LRRIQ1: variants seen among roughly 807,000 people sequenced by gnomAD.
LRRIQ1 encodes the protein leucine rich repeats and IQ motif containing 1, also known as leucine-rich repeat- and IQ domain-containing protein 1.
A neutral mutation model predicts 211.9 loss-of-function variants in LRRIQ1; 210 were observed. The ratio of observed to expected loss-of-function variants is 0.99; its 90% CI spans 0.89 to 1.11. The LOEUF is 1.11. LRRIQ1 is among the 50% of genes most tolerant of loss of function. The pLI is 0.00. For missense variants in LRRIQ1, 2,136 were observed against 1,939.5 expected (o/e 1.10, Z -1.90); for synonymous variants, 699 against 650.1 (o/e 1.08, Z -1.14).
At chr12:85,170,273 T>C (rs1212862045) in intron 24 of LRRIQ1, among the ~76,000 whole-genome samples, 1 of 151,204 alleles carries the variant, frequency 6.6e-6, no homozygotes, top group Non-Finnish European at 1.5e-5. Flanking sequence ...TGTATATATA[T>C]ATATATATAT....
chr12:85,143,961 A>G (rs1889716538), intron 19 of LRRIQ1, among the ~76,000 whole-genome samples: 1 of 151,590 alleles, frequency 6.6e-6, no homozygotes, highest in Non-Finnish European at 1.5e-5. Context: ...CAGCTTTGCT[A>G]TATAGGTAAA....
rs950499886 is a variant in LRRIQ1, at chr12:85,106,406, G to A, written c.3284-116G>A. On this transcript the variant is annotated intron_variant, in intron 14 of 26. Transcript: ENST00000393217. The stretch of plus-strand genomic sequence containing the variant: ...AAAAAGCATATAGCATTCTGCAGAA[G>A]AAATAAAAATATTGCTTTTCTTTAA... The A allele has an allele frequency of 5.8e-6, 4 of 689,732 alleles. No individual in the cohort carries two copies. In the African/African-American group the frequency reaches 7.3e-5, roughly 13 times the overall value. The allele number at this position is 689,732 out of a possible 1,614,324, so 42.7% of individuals were successfully genotyped here.
At chr12:85,188,315 T>G (rs1310063092) in intron 24 of LRRIQ1, among the ~76,000 whole-genome samples, 2 of 152,098 alleles carry the variant, frequency 1.3e-5, no homozygotes, top group Non-Finnish European at 2.9e-5. Context: ...TGTTAAAGTA[T>G]TAACTATTTG....
chr12:85,066,940 A>C, intron 10 of LRRIQ1, 42 bp downstream of exon 10: 1 of 1,146,454 alleles, frequency 8.7e-7, no homozygotes, highest in Non-Finnish European at 1.2e-6. Context: ...TATATTTCTC[A>C]TAATTTATTG....
intron 24 of LRRIQ1, among the ~76,000 whole-genome samples, chr12:85,211,889 A>G (rs2137072581): frequency 6.6e-6 from 1 of 152,282 alleles, no homozygotes; most frequent in East Asian, 1.9e-4. Context: ...TTCTTCTACT[A>G]AATTAAGAAT....
At chr12:85,114,508 C>T (rs1210412212) in intron 15 of LRRIQ1, among the ~76,000 whole-genome samples, 1 of 152,036 alleles carries the variant, frequency 6.6e-6, no homozygotes, top group Non-Finnish European at 1.5e-5. Context: ...TTGCATGAAG[C>T]ATGAACACTT....
intron 1 of LRRIQ1, among the ~76,000 whole-genome samples, chr12:85,260,615 C>T (rs185712265): frequency 3.3e-5 from 5 of 152,236 alleles, no homozygotes; most frequent in African/African-American, 9.6e-5. Context: ...ACCCTTCTCC[C>T]TCTACCTCCA....
rs751500883 is a variant in LRRIQ1, at chr12:85,098,357, G to A, written c.2890G>A (p.Gly964Ser). ...FLISHLYWNC[G>S]LESLKNLQQL... ...ATCTTATAACTTTTTTCTTCTAGGT[G>A]GTTTAGAATCTTTGAAAAATCTTCA... Residue 964 changes from glycine to serine, a missense_variant and splice_region_variant, in exon 12 of 27, where the codon GGT (glycine) becomes AGT (serine). Transcript: ENST00000393217. The A allele has an allele frequency of 1.9e-6, 3 of 1,594,188 alleles. No individual in the cohort carries two copies. Among genetic ancestry groups the A allele is most frequent in the Non-Finnish European group, 2.6e-6 (3 of 1,166,978 alleles).
intron 15 of LRRIQ1, among the ~76,000 whole-genome samples, chr12:85,120,724 A>C (rs207473206): frequency 1.3e-5 from 2 of 151,872 alleles, no homozygotes; most frequent in African/African-American, 4.9e-5. Flanking sequence ...TTAGAGTTGT[A>C]TAGTTTCCCC....
intron 20 of LRRIQ1, 139 bp from the exon 21 acceptor site, chr12:85,152,885 A>C (rs1031673097): frequency 4.5e-6 from 2 of 441,426 alleles, no homozygotes; most frequent in Non-Finnish European, 7.6e-6. Context: ...ATATTACATA[A>C]ATTTCATTTT....
chr12:85,134,950 C>T (rs528026744), intron 18 of LRRIQ1, among the ~76,000 whole-genome samples: 2 of 152,068 alleles, frequency 1.3e-5, no homozygotes, highest in Admixed American at 1.3e-4. Flanking sequence ...ATAATTCAAG[C>T]AATTATATTG....
chr12:85,153,284 G>A, intron 21 of LRRIQ1, 139 bp downstream of exon 21: 1 of 903,166 alleles, frequency 1.1e-6, no homozygotes, highest in East Asian at 2.8e-5. Context: ...AAAACATCAT[G>A]GTCATGAAGA....
downstream of LRRIQ1, among the ~76,000 whole-genome samples, chr12:85,246,047 A>T (rs1479766819): frequency 6.6e-6 from 1 of 151,074 alleles, no homozygotes; most frequent in Non-Finnish European, 1.5e-5. Context: ...TTAGATTATA[A>T]TCATTTATAT....
intron 26 of LRRIQ1, among the ~76,000 whole-genome samples, chr12:85,242,717 A>T (rs2137263630): frequency 6.6e-6 from 1 of 152,028 alleles, no homozygotes; most frequent in Admixed American, 6.6e-5. Context: ...TGCCAGATTC[A>T]CTGAAAGACA....
At position 85,156,256 on chromosome 12, in the gene LRRIQ1, C is replaced by T. The variant is rs111537859; in HGVS notation, c.4720+2162C>T. On this transcript the variant is annotated intron_variant, in intron 23 of 26. Coordinates refer to ENST00000393217, the MANE Select transcript of LRRIQ1 (RefSeq NM_001079910.2). ...AAACATTTTATGTTTAAAACATGAA[C>T]GCTGAAATGTAAAATTTAGTGATAA... Among the ~76,000 whole-genome samples, 12 of 151,656 alleles carry T rather than the reference C, an allele frequency of 7.9e-5. 1 individual carries two copies. The highest frequency in any genetic ancestry group is 2.4e-4 in the African/African-American group (10 of 41,440).
At chr12:85,037,486 G>A (rs1387821860) in intron 1 of LRRIQ1, among the ~76,000 whole-genome samples, 1 of 151,670 alleles carries the variant, frequency 6.6e-6, no homozygotes, top group Admixed American at 6.6e-5. Flanking sequence ...ATTTCACTTT[G>A]TTTTTCTTTT....
At chr12:85,064,246 G>T (rs1452233839) in intron 8 of LRRIQ1, among the ~76,000 whole-genome samples, 1 of 151,756 alleles carries the variant, frequency 6.6e-6, no homozygotes, top group Non-Finnish European at 1.5e-5. Context: ...TCTCATTGTC[G>T]TTTTGATTTA....
At chr12:85,041,564 A>G (rs1307369044) in intron 3 of LRRIQ1, among the ~76,000 whole-genome samples, 1 of 151,606 alleles carries the variant, frequency 6.6e-6, no homozygotes, top group East Asian at 1.9e-4. Context: ...AGGGAAGTAT[A>G]AAGGCCCACT....
intron 23 of LRRIQ1, among the ~76,000 whole-genome samples, chr12:85,160,101 T>C (rs966565260): frequency 5.9e-5 from 9 of 152,054 alleles, no homozygotes; most frequent in Non-Finnish European, 1.2e-4. Context: ...TGTAATTTGG[T>C]ATTTACAACA....
Sources: allele counts gnomAD v4.1 joint callset (sites outside exome capture counted in the v4.1 genomes callset), GRCh38; gene constraint gnomAD v4.1.1; transcripts MANE v1.5; gene names NCBI Gene and HGNC (gene_info 2026-07-23, HGNC 2026-07-21).